The following MS4A1 variants were observed in gnomAD, a reference collection of about 807,000 sequenced individuals.
The protein encoded by MS4A1 is membrane spanning 4-domains A1.
A neutral mutation model predicts 26.5 loss-of-function variants in MS4A1; 16 were observed. The observed-to-expected ratio is 0.60, with a 90% CI of 0.41 to 0.92. MS4A1 has a LOEUF of 0.92. MS4A1 is among the 40% of genes least tolerant of loss of function. MS4A1 has a pLI of 0.00. For synonymous variants in MS4A1, 128 were observed against 117.6 expected, an observed-to-expected ratio of 1.09 and a Z score of -0.57; for missense variants, 350 against 353.0, an observed-to-expected ratio of 0.99 and a Z score of 0.07.
chr11:60,462,553 T>C lies in MS4A1; in HGVS notation c.159+20T>C. ...TTGGGGGTAAGTCAGTTGCCTTCCA[T>C]CCCATGTCGTAGGGATTCTCTGGCT... is the stretch of plus-strand genomic sequence containing the variant. On this transcript the variant is annotated intron_variant, in intron 3 of 7. Transcript: ENST00000345732. 6.2e-7 allele frequency: 1 copy of C among 1,614,080 alleles called. No individual in the cohort carries two copies. Among genetic ancestry groups the C allele is most frequent in the Non-Finnish European group, 8.5e-7 (1 of 1,179,978 alleles).
intron 1 of MS4A1, among the ~76,000 whole-genome samples, chr11:60,458,447 A>C (rs2086221500): frequency 6.6e-6 from 1 of 152,218 alleles, no homozygotes; most frequent in African/African-American, 2.4e-5. Flanking sequence ...AAATAAAAAA[A>C]TATTTGCAGG....
chr11:60,463,189 T>C (rs2086263330), intron 4 of MS4A1, 68 bp downstream of exon 4: 12 of 1,596,328 alleles, frequency 7.5e-6, no homozygotes, highest in Middle Eastern at 1.7e-4. Flanking sequence ...TCCACAGGGA[T>C]ATGCCAGATT....
chr11:60,458,091 T>C (rs919378064), intron 1 of MS4A1: 2 of 152,202 alleles, frequency 1.3e-5, no homozygotes, highest in African/African-American at 4.8e-5. Context: ...GGACTAACTC[T>C]GTCTGCTACA....
chr11:60,460,647 G>T (rs927470077), intron 1 of MS4A1, among the ~76,000 whole-genome samples: 2 of 152,170 alleles, frequency 1.3e-5, no homozygotes, highest in African/African-American at 4.8e-5. Context: ...CCAAAAGAGG[G>T]ATTTTCAGAT....
At chr11:60,467,199 C>A in intron 7 of MS4A1, 139 bp downstream of exon 7, 4 of 688,742 alleles carry the variant, frequency 5.8e-6, no homozygotes, top group East Asian at 2.9e-5. Context: ...TGGCATATTT[C>A]TAGAAAGCAA....
intron 1 of MS4A1, among the ~76,000 whole-genome samples, chr11:60,457,694 G>A (rs1325532218): frequency 6.6e-6 from 1 of 152,132 alleles, no homozygotes; most frequent in African/African-American, 2.4e-5. Flanking sequence ...AACAATCTGA[G>A]ACACGAGGCC....
intron 4 of MS4A1, 132 bp from the exon 5 acceptor site, chr11:60,464,156 G>A: frequency 1.4e-6 from 1 of 692,266 alleles, no homozygotes. Flanking sequence ...TGGGTGGATG[G>A]TTGTGTGAAA....
chr11:60,456,641 A>G (rs1032387892), intron 1 of MS4A1, among the ~76,000 whole-genome samples: 9 of 152,312 alleles, frequency 5.9e-5, no homozygotes, highest in Admixed American at 1.3e-4. Flanking sequence ...GAAAACAAGG[A>G]TTAATTTTAA....
intron 6 of MS4A1, chr11:60,466,450 A>G: frequency 2.3e-6 from 1 of 429,678 alleles, no homozygotes; most frequent in Non-Finnish European, 4.2e-6. Context: ...TGGCTTTAAC[A>G]TTAATTATTC....
At chr11:60,468,123 A>T in intron 7 of MS4A1, 127 bp from the exon 8 acceptor site, 1 of 892,678 alleles carries the variant, frequency 1.1e-6, no homozygotes, top group Non-Finnish European at 1.7e-6. Flanking sequence ...TTTGGCATTT[A>T]AAGGCATATA....
In MS4A1 at chr11:60,470,601, T is replaced by C. The variant is rs1371118238; in HGVS notation, c.*2133T>C. ...CTCCCCGATTATCCCTTTGGCAATA[T>C]AGAGTCAAATAATAACATTGACCAA... On this transcript the variant is annotated 3_prime_UTR_variant, in exon 8 of 8. Transcript: ENST00000345732. The C allele has an allele frequency of 1.3e-5, 2 of 151,998 alleles. No homozygotes were observed. Among genetic ancestry groups the C allele is most frequent in the Non-Finnish European group, 2.9e-5 (2 of 67,888 alleles). The allele number at this position is 151,998 out of a possible 1,614,324, so 9.4% of individuals were successfully genotyped here. A position where few individuals can be genotyped will look rare whatever the true frequency, so the allele number is the denominator to read the frequency against.
chr11:60,462,540 C>A lies in MS4A1; in HGVS notation c.159+7C>A. 1 of 1,614,102 alleles carries A rather than the reference C, an allele frequency of 6.2e-7. No homozygotes were observed. The highest frequency in any genetic ancestry group is 1.1e-5 in the South Asian group (1 of 91,028). ...GGAATCTAAGACTTTGGGGGTAAGT[C>A]AGTTGCCTTCCATCCCATGTCGTAG... On this transcript the variant is annotated splice_region_variant and intron_variant, in intron 3 of 7. Coordinates refer to ENST00000345732, the MANE Select transcript of MS4A1 (RefSeq NM_152866.3).
Position 60,468,786 on chromosome 11 carries a change from A to AT in MS4A1, c.*322dup, listed in dbSNP as rs2086317866. On this transcript the variant is annotated 3_prime_UTR_variant, in exon 8 of 8. Coordinates refer to ENST00000345732, the MANE Select transcript of MS4A1 (RefSeq NM_152866.3). The stretch of plus-strand genomic sequence containing the variant: ...TTTTAGTATAGTATTTTTTTTTGTC[A>AT]TTTTCTCCATCAACAACCAGGGAGA... 1 of 294,922 alleles carries AT rather than the reference A, an allele frequency of 3.4e-6. No individual in the cohort carries two copies. The highest frequency in any genetic ancestry group is 6.3e-6 in the Non-Finnish European group (1 of 158,386). The allele number at this position is 294,922 out of a possible 1,614,324, so 18.3% of individuals were successfully genotyped here.
At chr11:60,464,714 G>T (rs555060046) in intron 5 of MS4A1, among the ~76,000 whole-genome samples, 3 of 152,064 alleles carry the variant, frequency 2.0e-5, no homozygotes, top group African/African-American at 7.2e-5. Flanking sequence ...TTTTTTGGCC[G>T]TAACATTGAA....
At chr11:60,465,705 GATGGTGA>G (rs1745212225) in intron 5 of MS4A1, 2 of 557,560 alleles carry the variant, frequency 3.6e-6, no homozygotes, top group Non-Finnish European at 6.4e-6. Context: ...AAAACAGATG[GATGGTGA>G]ATGAGATAGG....
intron 1 of MS4A1, among the ~76,000 whole-genome samples, chr11:60,460,617 A>G (rs1036208060): frequency 6.6e-6 from 1 of 152,198 alleles, no homozygotes; most frequent in African/African-American, 2.4e-5. Context: ...AGCAATAAAG[A>G]CAAGAGCAAA....
chr11:60,458,876 C>A (rs962406025), intron 1 of MS4A1, among the ~76,000 whole-genome samples: 1 of 151,986 alleles, frequency 6.6e-6, no homozygotes, highest in Non-Finnish European at 1.5e-5. Context: ...AGAGAAAGCA[C>A]TCATGTGTTT....
At position 60,467,369 on chromosome 11, in the gene MS4A1, C is replaced by T. The variant is rs978793613; in HGVS notation, c.675+309C>T. ...CTTGGCCCAGTGCAACCTCTGCCTC[C>T]GGGTTCAGGCGATTCTCCTGCCTCA... On this transcript the variant is annotated intron_variant, in intron 7 of 7. Coordinates refer to ENST00000345732, the MANE Select transcript of MS4A1 (RefSeq NM_152866.3). Among the ~76,000 whole-genome samples, 113 of 151,654 alleles carry T rather than the reference C, an allele frequency of 7.5e-4. 1 individual carries two copies. Among genetic ancestry groups the T allele is most frequent in the African/African-American group, 2.7e-3 (112 of 41,294 alleles).
At chr11:60,456,901 G>A (rs901053262) in intron 1 of MS4A1, among the ~76,000 whole-genome samples, 3 of 152,164 alleles carry the variant, frequency 2.0e-5, no homozygotes, top group Non-Finnish European at 2.9e-5. Flanking sequence ...AAAGTGCTGG[G>A]ATTACAGGTG....
Sources: gnomAD v4.1 joint callset for allele counts (sites outside exome capture counted in the v4.1 genomes callset) on GRCh38, gnomAD v4.1.1 for gene constraint, MANE v1.5 for transcripts, NCBI Gene and HGNC (gene_info 2026-07-23, HGNC 2026-07-21) for gene names.